Variants in BLTP3B observed in about 807,000 individuals in gnomAD.
BLTP3B encodes the protein UHRF1 (ICBP90) binding protein 1-like.
the BLTP3B span, among the ~76,000 whole-genome samples, chr12:100,124,206 T>C: frequency 6.6e-6 from 1 of 151,980 alleles, no homozygotes; most frequent in African/African-American, 2.4e-5. Flanking sequence ...CCAAGAAGTT[T>C]GAGGCTGCAT....
chr12:100,099,000 T>A, the BLTP3B span, among the ~76,000 whole-genome samples: 1 of 146,344 alleles, frequency 6.8e-6, no homozygotes, highest in East Asian at 2.0e-4. Context: ...CATTTTATTA[T>A]TTTTTTTTTC....
chr12:100,137,924 G>A, the BLTP3B span, among the ~76,000 whole-genome samples: 1 of 152,074 alleles, frequency 6.6e-6, no homozygotes, highest in Non-Finnish European at 1.5e-5. Context: ...ATTGCTAATT[G>A]AACCATGGGT....
At chr12:100,112,397 C>T in the BLTP3B span, among the ~76,000 whole-genome samples, 1 of 152,154 alleles carries the variant, frequency 6.6e-6, no homozygotes, top group African/African-American at 2.4e-5. Context: ...GTCCCAGTTA[C>T]TGAGGGGACT....
chr12:100,059,530 C>A, the BLTP3B span: 3 of 1,585,254 alleles, frequency 1.9e-6, no homozygotes, highest in Admixed American at 1.9e-5. Flanking sequence ...GAAGGAATGA[C>A]AAACTAGAAG....
At chr12:100,058,617 G>T in the BLTP3B span, 1 of 1,614,026 alleles carries the variant, frequency 6.2e-7, no homozygotes, top group Middle Eastern at 1.6e-4. Flanking sequence ...CACACTTTCA[G>T]AAACAGGAGA....
the BLTP3B span, among the ~76,000 whole-genome samples, chr12:100,118,918 A>G: frequency 2.0e-5 from 3 of 152,168 alleles, no homozygotes; most frequent in African/African-American, 4.8e-5. Flanking sequence ...CCTGGCCAAC[A>G]TGGTAAAACT....
the BLTP3B span, among the ~76,000 whole-genome samples, chr12:100,094,405 C>T: frequency 6.6e-6 from 1 of 152,284 alleles, no homozygotes; most frequent in East Asian, 1.9e-4. Flanking sequence ...GCCCCTGTCC[C>T]CTACTTATAA....
the BLTP3B span, among the ~76,000 whole-genome samples, chr12:100,116,448 C>CAAAAAAAAAAAAAAAAAAAAA: frequency 1.8e-5 from 1 of 56,002 alleles, no homozygotes; most frequent in Non-Finnish European, 3.7e-5. Flanking sequence ...GATCCTGTCT[C>CAAAAAAAAAAAAAAAAAAAAA]AAAAAAAAAA....
At chr12:100,052,734 C>T in the BLTP3B span, among the ~76,000 whole-genome samples, 1 of 150,226 alleles carries the variant, frequency 6.7e-6, no homozygotes, top group Non-Finnish European at 1.5e-5. Context: ...AAGTTATCAG[C>T]AGTACAGTGG....
At chr12:100,102,378 C>A in the BLTP3B span, among the ~76,000 whole-genome samples, 5 of 152,068 alleles carry the variant, frequency 3.3e-5, no homozygotes, top group African/African-American at 1.2e-4. Context: ...TCCCAAAGTG[C>A]TAGGATTACA....
At chr12:100,070,503 C>T in the BLTP3B span, among the ~76,000 whole-genome samples, 3 of 152,036 alleles carry the variant, frequency 2.0e-5, no homozygotes, top group African/African-American at 7.2e-5. Flanking sequence ...GTGATCCACC[C>T]GCCTCAGCCT....
At chr12:100,121,300 A>C in the BLTP3B span, among the ~76,000 whole-genome samples, 1 of 149,234 alleles carries the variant, frequency 6.7e-6, no homozygotes, top group African/African-American at 2.5e-5. Context: ...CAGTGAGCTG[A>C]GATAGTGCCA....
the BLTP3B span, chr12:100,047,852 A>G: frequency 8.1e-7 from 1 of 1,228,668 alleles, no homozygotes; most frequent in Non-Finnish European, 1.1e-6. Flanking sequence ...CTGATAGAAT[A>G]TATTTTATAG....
chr12:100,058,371 T>C, the BLTP3B span: 4 of 1,612,948 alleles, frequency 2.5e-6, no homozygotes, highest in Non-Finnish European at 3.4e-6. Flanking sequence ...TAAATGTTTA[T>C]CTGATAAATA....
chr12:100,117,500 TCGCCCAG>T, the BLTP3B span, among the ~76,000 whole-genome samples: 1 of 152,102 alleles, frequency 6.6e-6, no homozygotes, highest in Non-Finnish European at 1.5e-5. Flanking sequence ...TCTCGTTCTG[TCGCCCAG>T]GCTGGAGGGC....
the BLTP3B span, chr12:100,097,398 G>A: frequency 6.2e-7 from 1 of 1,612,706 alleles, no homozygotes; most frequent in South Asian, 1.1e-5. Flanking sequence ...TTTTTGATTG[G>A]TTGGTTATTA....
At chr12:100,075,830 T>C in the BLTP3B span, among the ~76,000 whole-genome samples, 21 of 152,174 alleles carry the variant, frequency 1.4e-4, no homozygotes, top group Non-Finnish European at 2.2e-4. Context: ...TGGCTATTAT[T>C]AAAAAGTCAA....
the BLTP3B span, chr12:100,037,464 C>A: frequency 7.2e-7 from 1 of 1,391,426 alleles, no homozygotes. Flanking sequence ...TTGTAATGCC[C>A]GTACTAATAC....
At chr12:100,142,693 G>A in the BLTP3B span, 1 of 1,569,170 alleles carries the variant, frequency 6.4e-7, no homozygotes, top group Non-Finnish European at 8.6e-7. Flanking sequence ...TCCTCTCTTC[G>A]TGGCCGTCTC....
Sources: gnomAD v4.1 joint callset for allele counts (sites outside exome capture counted in the v4.1 genomes callset) on GRCh38, gnomAD v4.1.1 for gene constraint, MANE v1.5 for transcripts, NCBI Gene and HGNC (gene_info 2026-07-23, HGNC 2026-07-21) for gene names.